Variants in MYRIP observed in about 807,000 individuals in gnomAD.
MYRIP encodes rab effector MyRIP.
In MYRIP, 49 loss-of-function variants were observed where a neutral mutation model predicts 98.0. That is an observed-to-expected ratio of 0.50 (90% CI 0.40 to 0.63). The LOEUF (loss-of-function observed/expected upper bound fraction) is 0.63. Among genes scored for constraint, MYRIP ranks in the 30% least tolerant of loss-of-function variants. The pLI, the probability that MYRIP is intolerant of heterozygous loss-of-function variation, is 0.00. For synonymous variants in MYRIP, 404 were observed against 409.5 expected, an observed-to-expected ratio of 0.99 and a Z score of 0.16; for missense variants, 1,004 against 1,058.2, an observed-to-expected ratio of 0.95 and a Z score of 0.71.
intron 2 of MYRIP, among the ~76,000 whole-genome samples, chr3:40,014,512 C>T (rs752061683): frequency 2.0e-5 from 3 of 152,114 alleles, no homozygotes; most frequent in Non-Finnish European, 2.9e-5. Flanking sequence ...AGAACCTGGG[C>T]CCTGTACCTG....
chr3:39,995,682 T>C (rs1445584600), intron 2 of MYRIP, among the ~76,000 whole-genome samples: 1 of 151,904 alleles, frequency 6.6e-6, no homozygotes, highest in Non-Finnish European at 1.5e-5. Context: ...GGAAATACAA[T>C]GAATGACGCA....
intron 2 of MYRIP, among the ~76,000 whole-genome samples, chr3:39,953,246 A>G (rs1945071718): frequency 6.6e-6 from 1 of 152,122 alleles, no homozygotes; most frequent in Non-Finnish European, 1.5e-5. Flanking sequence ...AATTCCACAG[A>G]CTTCCACTGA....
intron 3 of MYRIP, among the ~76,000 whole-genome samples, chr3:40,078,158 C>A (rs570238431): frequency 3.3e-5 from 5 of 152,358 alleles, no homozygotes; most frequent in Admixed American, 2.6e-4. Context: ...CCCTCCGCAG[C>A]CGCTGGCCCG....
At chr3:40,192,632 GT>G (rs1364907341) in intron 10 of MYRIP, among the ~76,000 whole-genome samples, 2 of 152,096 alleles carry the variant, frequency 1.3e-5, no homozygotes, top group African/African-American at 4.8e-5. Context: ...CTAACAGTAA[GT>G]GATAGAGGTG....
At chr3:40,185,328 A>G (rs1015942558) in intron 9 of MYRIP, among the ~76,000 whole-genome samples, 2 of 152,172 alleles carry the variant, frequency 1.3e-5, no homozygotes, top group African/African-American at 4.8e-5. Flanking sequence ...AACCTTGATT[A>G]GGCATCTGCT....
chr3:39,922,789 G>A (rs1944334248), intron 2 of MYRIP, among the ~76,000 whole-genome samples: 1 of 152,124 alleles, frequency 6.6e-6, no homozygotes, highest in Non-Finnish European at 1.5e-5. Context: ...GTATACAAGT[G>A]TCAATACAAA....
At chr3:39,913,925 A>T (rs1296748517) in intron 2 of MYRIP, among the ~76,000 whole-genome samples, 1 of 152,352 alleles carries the variant, frequency 6.6e-6, no homozygotes, top group South Asian at 2.1e-4. Context: ...ACATTGTTCT[A>T]TCAGCAGATT....
chr3:40,051,779 T>C (rs1374265840), intron 3 of MYRIP, among the ~76,000 whole-genome samples: 2 of 152,168 alleles, frequency 1.3e-5, no homozygotes, highest in Admixed American at 1.3e-4. Flanking sequence ...TGGAATTGAG[T>C]ATTATTTACT....
At chr3:40,196,592 A>G (rs1048350929) in intron 10 of MYRIP, among the ~76,000 whole-genome samples, 1 of 152,200 alleles carries the variant, frequency 6.6e-6, no homozygotes, top group Admixed American at 6.5e-5. Flanking sequence ...AATGTTGGGA[A>G]TTTGTTGAGA....
intron 2 of MYRIP, among the ~76,000 whole-genome samples, chr3:39,953,654 G>A (rs1180970389): frequency 2.0e-5 from 3 of 152,132 alleles, no homozygotes; most frequent in East Asian, 1.9e-4. Context: ...TCCAACTGAG[G>A]TACTGGGTTG....
intron 3 of MYRIP, among the ~76,000 whole-genome samples, chr3:40,123,285 C>A (rs973328498): frequency 6.6e-6 from 1 of 152,042 alleles, no homozygotes; most frequent in Non-Finnish European, 1.5e-5. Flanking sequence ...TATCAGTCAC[C>A]CTGGCATTTT....
intron 3 of MYRIP, among the ~76,000 whole-genome samples, chr3:40,132,488 G>A (rs2125919366): frequency 6.6e-6 from 1 of 152,342 alleles, no homozygotes; most frequent in Non-Finnish European, 1.5e-5. Flanking sequence ...CAGTGGCTAG[G>A]CAATTCTCCA....
intron 3 of MYRIP, among the ~76,000 whole-genome samples, chr3:40,108,621 G>GT (rs1177269396): frequency 2.0e-5 from 3 of 152,152 alleles, no homozygotes; most frequent in Non-Finnish European, 4.4e-5. Flanking sequence ...CAATGAGGAG[G>GT]TTAAACACCT....
intron 2 of MYRIP, among the ~76,000 whole-genome samples, chr3:39,932,328 T>C (rs1944558729): frequency 6.6e-6 from 1 of 152,044 alleles, no homozygotes; most frequent in Non-Finnish European, 1.5e-5. Flanking sequence ...AAGTGGAAAC[T>C]GCTCACTCTA....
intron 2 of MYRIP, among the ~76,000 whole-genome samples, chr3:39,987,790 A>G (rs760640128): frequency 6.6e-6 from 1 of 152,196 alleles, no homozygotes; most frequent in African/African-American, 2.4e-5. Context: ...TTTTCTGGAT[A>G]TGAAATTATG....
chr3:39,945,494 A>G (rs866033933), intron 2 of MYRIP, among the ~76,000 whole-genome samples: 4,850 of 148,372 alleles, frequency 0.033, 364 homozygotes, highest in African/African-American at 0.12. Flanking sequence ...AAAAAAAAGA[A>G]AAAAGAAAAA....
intron 12 of MYRIP, among the ~76,000 whole-genome samples, chr3:40,237,393 C>G (rs751505015): frequency 7.2e-5 from 11 of 152,220 alleles, no homozygotes; most frequent in Non-Finnish European, 1.5e-4. Flanking sequence ...TCTCTACCCA[C>G]TAGCTGCCAG....
At chr3:40,021,855 T>G (rs1325891704) in intron 2 of MYRIP, among the ~76,000 whole-genome samples, 1 of 152,226 alleles carries the variant, frequency 6.6e-6, no homozygotes, top group Non-Finnish European at 1.5e-5. Context: ...ATCCTATCCC[T>G]TAGTGGCACT....
At chr3:39,983,884 CT>C (rs1945956139) in intron 2 of MYRIP, among the ~76,000 whole-genome samples, 1 of 152,208 alleles carries the variant, frequency 6.6e-6, no homozygotes, top group Non-Finnish European at 1.5e-5. Flanking sequence ...ATAATACCCC[CT>C]GTTATTATTA....
Sources: allele counts gnomAD v4.1 joint callset (sites outside exome capture counted in the v4.1 genomes callset), GRCh38; gene constraint gnomAD v4.1.1; transcripts MANE v1.5; gene names NCBI Gene and HGNC (gene_info 2026-07-23, HGNC 2026-07-21).